Variants in THBS4 observed in about 807,000 individuals in gnomAD.
The protein encoded by THBS4 is thrombospondin-4.
In THBS4, 90 loss-of-function variants were observed where a neutral mutation model predicts 115.7. The ratio of observed to expected loss-of-function variants is 0.78; its 90% CI spans 0.66 to 0.93. The LOEUF is 0.93. Ranked by LOEUF, THBS4 falls within the 40% of genes least tolerant of loss-of-function variation. THBS4 has a pLI of 0.00. For missense variants in THBS4, 1,087 were observed against 1,232.7 expected, an observed-to-expected ratio of 0.88 and a Z score of 1.77; for synonymous variants, 460 against 479.3, an observed-to-expected ratio of 0.96 and a Z score of 0.53.
intron 16 of THBS4, among the ~76,000 whole-genome samples, chr5:80,077,366 C>G (rs1208404574): frequency 6.6e-6 from 1 of 152,224 alleles, no homozygotes; most frequent in Non-Finnish European, 1.5e-5. Context: ...CACCATCTTA[C>G]CTGTCACCTG....
intron 7 of THBS4, among the ~76,000 whole-genome samples, chr5:80,061,209 T>C (rs894792707): frequency 1.3e-5 from 2 of 152,184 alleles, no homozygotes; most frequent in African/African-American, 2.4e-5. Context: ...TGGAATAGCA[T>C]GGACTTGACA....
At chr5:80,040,006 C>G (rs927325121) in intron 1 of THBS4, 71 bp from the exon 2 acceptor site, 2 of 1,404,472 alleles carry the variant, frequency 1.4e-6, no homozygotes, top group South Asian at 1.2e-5. Flanking sequence ...GCACCCCCCC[C>G]AAACAAAGAA....
At chr5:80,037,763 T>C (rs1832763239) in intron 1 of THBS4, among the ~76,000 whole-genome samples, 1 of 152,212 alleles carries the variant, frequency 6.6e-6, no homozygotes. Context: ...CTGAAGATGT[T>C]TTGTCCTGAA....
At chr5:80,030,910 A>G (rs909893555), upstream of THBS4, among the ~76,000 whole-genome samples, 10 of 152,220 alleles carry the variant, frequency 6.6e-5, no homozygotes, top group African/African-American at 9.6e-5. Context: ...TATTATACCT[A>G]TATCAATTAA....
chr5:80,012,732 C>A (rs1832152695), intron 2 of THBS4, among the ~76,000 whole-genome samples: 1 of 152,186 alleles, frequency 6.6e-6, no homozygotes, highest in Non-Finnish European at 1.5e-5. Context: ...ACACCAAACA[C>A]CTGAAATACA....
rs766934670 is a variant in THBS4, at chr5:80,079,055, C to T, written c.2315-7C>T. On this transcript the variant is annotated splice_polypyrimidine_tract_variant and splice_region_variant and intron_variant, in intron 18 of 21. Coordinates refer to ENST00000350881, the MANE Select transcript of THBS4 (RefSeq NM_003248.6). ...TCTATTGTTCTAATCTTATCTGGTC[C>T]CTACAGGGTACACAGCTTTTAATGG... is the stretch of plus-strand genomic sequence containing the variant. 1.2e-6 allele frequency: 2 copies of T among 1,611,776 alleles called. No individual in the cohort carries two copies. The highest frequency in any genetic ancestry group is 3.3e-5 in the Admixed American group (2 of 59,906).
chr5:80,080,145 C>A, intron 20 of THBS4, 68 bp downstream of exon 20: 1 of 1,509,242 alleles, frequency 6.6e-7, no homozygotes, highest in Non-Finnish European at 8.9e-7. Flanking sequence ...CATCCCAGAG[C>A]CTTCATTTCC....
chr5:80,077,113 C>G, intron 16 of THBS4, 65 bp downstream of exon 16: 1 of 1,421,234 alleles, frequency 7.0e-7, no homozygotes, highest in South Asian at 1.5e-5. Context: ...CACATGGGGG[C>G]ACGCCTCTCT....
Position 80,072,340 on chromosome 5 carries a change from G to T in THBS4, c.1783G>T (p.Gly595Cys). ...FPNRDQRDKD[G>C]DGVGDACDSC... ...CAATCGTGACCAACGGGACAAGGAT[G>T]GTGATGGTGTGGGGGATGCCTGTGA... Residue 595 changes from glycine to cysteine, a missense_variant, in exon 14 of 22, where the codon GGT becomes TGT. This residue lies in a region of THBS4 where 979 missense variants were observed against 1,103.7 expected (regional missense o/e 0.89). Transcript: ENST00000350881. 2 of 1,614,212 alleles carry T rather than the reference G, an allele frequency of 1.2e-6. No individual in the cohort carries two copies. Among genetic ancestry groups the T allele is most frequent in the Non-Finnish European group, 1.7e-6 (2 of 1,180,036 alleles).
At chr5:80,048,677 C>A in intron 2 of THBS4, among the ~76,000 whole-genome samples, 1 of 132,254 alleles carries the variant, frequency 7.6e-6, no homozygotes, top group East Asian at 2.2e-4. Context: ...ACTCTGTATA[C>A]TTTACATTTA....
At chr5:79,998,300 T>G (rs780605490) in intron 1 of THBS4, 1 of 152,396 alleles carries the variant, frequency 6.6e-6, no homozygotes, top group African/African-American at 2.4e-5. Flanking sequence ...ATGTGTCGCA[T>G]CTCCCCTTTC....
intron 2 of THBS4, among the ~76,000 whole-genome samples, chr5:80,027,894 CAAAAA>C (rs1159986888): frequency 8.4e-5 from 4 of 47,718 alleles, no homozygotes; most frequent in East Asian, 6.5e-4. Flanking sequence ...ACCCTGTCTC[CAAAAA>C]AAAAAAAAAA....
At chr5:80,004,400 C>T (rs1289134232) in intron 2 of THBS4, among the ~76,000 whole-genome samples, 1 of 152,164 alleles carries the variant, frequency 6.6e-6, no homozygotes, top group African/African-American at 2.4e-5. Context: ...TGGAACATCT[C>T]TCTGTGTTCA....
At chr5:80,079,853 G>A in intron 19 of THBS4, 52 bp from the exon 20 acceptor site, 1 of 1,570,684 alleles carries the variant, frequency 6.4e-7, no homozygotes, top group Non-Finnish European at 8.7e-7. Context: ...CAGGAAGCAG[G>A]AAGGGTGGTG....
intron 2 of THBS4, among the ~76,000 whole-genome samples, chr5:80,045,833 A>C (rs1021265646): frequency 5.3e-5 from 8 of 152,118 alleles, no homozygotes; most frequent in African/African-American, 1.9e-4. Flanking sequence ...GCCCGGCCCT[A>C]TGGAGTCTTT....
intron 2 of THBS4, among the ~76,000 whole-genome samples, chr5:79,998,670 C>G (rs563172861): frequency 6.6e-6 from 1 of 152,278 alleles, no homozygotes; most frequent in South Asian, 2.1e-4. Flanking sequence ...GGAAACATCC[C>G]TGTACATTTA....
rs538025066 is a variant in THBS4 at position 80,059,582 on chromosome 5, G to C, written c.784+91G>C. 15 of 1,595,582 alleles carry C rather than the reference G, an allele frequency of 9.4e-6. No individual in the cohort carries two copies. The South Asian group carries it at 1.7e-4, about 18-fold the overall frequency. Reference sequence around the variant, plus strand: ...TGAGGCTGTGTTGACCGCAGTTTCTGAAGGTCTACCACATAGTTGGAGGGG... The same window carrying C: ...TGAGGCTGTGTTGACCGCAGTTTCTCAAGGTCTACCACATAGTTGGAGGGG... On this transcript the variant is annotated intron_variant, in intron 6 of 21. Coordinates refer to ENST00000350881, the MANE Select transcript of THBS4 (RefSeq NM_003248.6).
At chr5:80,038,251 T>C (rs929257922) in intron 1 of THBS4, among the ~76,000 whole-genome samples, 1 of 152,208 alleles carries the variant, frequency 6.6e-6, no homozygotes, top group Non-Finnish European at 1.5e-5. Flanking sequence ...TGTTGTTGTA[T>C]TGTCTTTCAT....
At chr5:80,069,284 G>T (rs930022529) in intron 10 of THBS4, among the ~76,000 whole-genome samples, 51 of 152,218 alleles carry the variant, frequency 3.4e-4, no homozygotes, top group Admixed American at 3.0e-3. Context: ...AGTCAAAAAT[G>T]AGTTAATAAA....
Sources: allele counts gnomAD v4.1 joint callset (sites outside exome capture counted in the v4.1 genomes callset), GRCh38; gene constraint gnomAD v4.1.1; regional missense constraint gnomAD v4.1.1; transcripts MANE v1.5; gene names NCBI Gene and HGNC (gene_info 2026-07-23, HGNC 2026-07-21).